Variants in PITPNM3 observed in about 807,000 individuals in gnomAD.
The protein encoded by PITPNM3 is membrane-associated phosphatidylinositol transfer protein 3.
A neutral mutation model predicts 102.0 loss-of-function variants in PITPNM3; 26 were observed. That is an observed-to-expected ratio of 0.25 (90% CI 0.19 to 0.35). The LOEUF (loss-of-function observed/expected upper bound fraction) is 0.35. Ranked by LOEUF, PITPNM3 falls within the 10% of genes least tolerant of loss-of-function variation. The pLI is 1.00. For missense variants in PITPNM3, 1,083 were observed against 1,346.1 expected, an observed-to-expected ratio of 0.80 and a Z score of 3.06; for synonymous variants, 578 against 558.6, an observed-to-expected ratio of 1.03 and a Z score of -0.49.
In PITPNM3 at chr17:6,517,153, G is replaced by A. The variant is rs1345439737; in HGVS notation, c.226+8203C>T. On this transcript the variant is annotated intron_variant, in intron 3 of 19. Coordinates refer to ENST00000262483, the MANE Select transcript of PITPNM3 (RefSeq NM_031220.4). This position sits in a 1 kb window ranked among gnomAD's most constrained non-coding sequence, Gnocchi z 4.1. ...CCTACCTGAAAGAATTACTAGCAGA[G>A]ACATTCTAGTGAAAAGAGAAAGTAA... Among the ~76,000 whole-genome samples the A allele has an allele frequency of 6.6e-6, 1 of 152,222 alleles. No individual in the cohort carries two copies. The highest frequency in any genetic ancestry group is 2.4e-5 in the African/African-American group (1 of 41,450).
intron 3 of PITPNM3, among the ~76,000 whole-genome samples, chr17:6,522,725 C>G (rs1280573891): frequency 6.6e-6 from 1 of 152,164 alleles, no homozygotes; most frequent in Non-Finnish European, 1.5e-5. Flanking sequence ...TCTATGCCAC[C>G]AATTTCCATT....
chr17:6,526,906 TC>T (rs1194598137), intron 2 of PITPNM3, among the ~76,000 whole-genome samples: 2 of 152,220 alleles, frequency 1.3e-5, no homozygotes, highest in African/African-American at 4.8e-5. Context: ...GCCCTGGACA[TC>T]CTGTATTGGC....
At chr17:6,534,494 A>G (rs1419783959) in intron 2 of PITPNM3, among the ~76,000 whole-genome samples, 2 of 152,152 alleles carry the variant, frequency 1.3e-5, no homozygotes, top group Non-Finnish European at 2.9e-5. Flanking sequence ...GATGGCTGCA[A>G]GGGAGGGAGG....
rs894332821 is a variant in PITPNM3 at position 6,471,000 on chromosome 17, C to A, written c.1624+161G>T. Among the ~76,000 whole-genome samples the A allele has an allele frequency of 6.6e-6, 1 of 152,184 alleles. No individual in the cohort carries two copies. Among genetic ancestry groups the A allele is most frequent in the Non-Finnish European group, 1.5e-5 (1 of 68,030 alleles). On this transcript the variant is annotated intron_variant, in intron 12 of 19. Transcript: ENST00000262483. The surrounding 1 kb of genome is among the most constrained non-coding windows in gnomAD (Gnocchi z 4.8). The stretch of plus-strand genomic sequence containing the variant: ...CCGATGCCAGGTCTCCATCAGCAGA[C>A]GCCCAGCTCTCTAAAGGCAGAAGCA...
intron 9 of PITPNM3, among the ~76,000 whole-genome samples, chr17:6,475,108 G>T (rs977815531): frequency 2.0e-5 from 3 of 152,156 alleles, no homozygotes; most frequent in Admixed American, 6.5e-5. Flanking sequence ...ACACTCAGCT[G>T]GCTAACGTCA....
intron 17 of PITPNM3, among the ~76,000 whole-genome samples, chr17:6,463,152 C>T (rs1029491337): frequency 4.6e-5 from 7 of 152,130 alleles, no homozygotes; most frequent in African/African-American, 9.7e-5. Context: ...GAGCCAGGCC[C>T]GTCTTCTCTC....
At chr17:6,503,500 G>A in intron 4 of PITPNM3, 27 bp downstream of exon 4, 2 of 1,611,488 alleles carry the variant, frequency 1.2e-6, no homozygotes, top group Non-Finnish European at 1.7e-6. Flanking sequence ...GGGAAGAAAT[G>A]ACCCCACAGG....
rs1386630788 is a variant in PITPNM3 at position 6,525,484 on chromosome 17, G to C, written c.119-21C>G. The C allele has an allele frequency of 1.9e-6, 3 of 1,591,552 alleles. No homozygotes were observed. The East Asian group carries it at 6.7e-5, about 36-fold the overall frequency. The stretch of plus-strand genomic sequence containing the variant: ...CTCCTCTGTGGGAAGAAGCAGCGGT[G>C]AGCAGAAGCAGGTGCAGCTAGGGAT... On this transcript the variant is annotated intron_variant, in intron 2 of 19. Transcript: ENST00000262483.
chr17:6,506,474 C>A (rs1006564018), intron 3 of PITPNM3, among the ~76,000 whole-genome samples: 2 of 151,548 alleles, frequency 1.3e-5, no homozygotes, highest in East Asian at 1.9e-4. Flanking sequence ...CAGGTTCAAG[C>A]GATTCTCCTG....
rs1383070567 is a variant in PITPNM3, at chr17:6,477,086, C to G, written c.1028G>C (p.Ser343Thr). The G allele has an allele frequency of 6.2e-7, 1 of 1,614,040 alleles. No individual in the cohort carries two copies. The highest frequency in any genetic ancestry group is 1.3e-5 in the African/African-American group (1 of 74,914). Residue 343 changes from serine (S) to threonine (T), a missense_variant, in exon 9 of 20, where the codon AGC (serine) becomes ACC (threonine). Coordinates refer to ENST00000262483, the MANE Select transcript of PITPNM3 (RefSeq NM_031220.4). The stretch of plus-strand genomic sequence containing the variant: ...CTCGCAGTCATAGGTGGAGGAGTCG[C>G]TCTGTTTCCGCGGCAACGGCCTCTT... ...EPKRPLPRKQ[S>T]DSSTYDCEAI...
At position 6,456,709 on chromosome 17, in the gene PITPNM3, T is replaced by C. The variant is rs575154456; in HGVS notation, c.2619+885A>G. On this transcript the variant is annotated intron_variant, in intron 19 of 19. Transcript: ENST00000262483. ...TCTACCCGCGGGTCACTCTCAGGCA[T>C]TGCACACTTGACATGCCCCAGAGGG... Among the ~76,000 whole-genome samples the C allele has an allele frequency of 3.3e-5, 5 of 152,252 alleles. No individual in the cohort carries two copies. In the East Asian group the frequency reaches 9.7e-4, roughly 29 times the overall value.
rs1208141642 is a variant in PITPNM3 at position 6,458,472 on chromosome 17, C to A, written c.2491-750G>T. 6.6e-6 allele frequency among the ~76,000 whole-genome samples: 1 copy of A among 152,178 alleles called. No individual in the cohort carries two copies. Among genetic ancestry groups the A allele is most frequent in the African/African-American group, 2.4e-5 (1 of 41,428 alleles). On this transcript the variant is annotated intron_variant, in intron 18 of 19. Transcript: ENST00000262483. This position sits in a 1 kb window ranked among gnomAD's most constrained non-coding sequence, Gnocchi z 5.1. ...CTGGGATGACCCACGGTCTGCATGACGTGAAGGATCTACCACCTCCCACCC... is the reference window on the plus strand; with the variant it reads ...CTGGGATGACCCACGGTCTGCATGAAGTGAAGGATCTACCACCTCCCACCC...
chr17:6,496,915 C>A (rs1906863472), intron 4 of PITPNM3, among the ~76,000 whole-genome samples: 1 of 152,138 alleles, frequency 6.6e-6, no homozygotes, highest in African/African-American at 2.4e-5. Flanking sequence ...GAGGCTAATG[C>A]ACATCCTCAT....
chr17:6,525,313 C>T (rs1270392970), intron 3 of PITPNM3, 43 bp downstream of exon 3: 37 of 1,568,234 alleles, frequency 2.4e-5, no homozygotes, highest in Non-Finnish European at 2.9e-5. Flanking sequence ...CCCTGCAACA[C>T]ACCTATGTGC....
At chr17:6,464,551 G>A (rs1904663457) in intron 15 of PITPNM3, 104 bp downstream of exon 15, 10 of 1,262,538 alleles carry the variant, frequency 7.9e-6, no homozygotes, top group Non-Finnish European at 1.0e-5. Flanking sequence ...TTCCACCCCA[G>A]GCAGCTCGGC....
In PITPNM3 at chr17:6,471,244, G is replaced by A. The variant is rs202098067; in HGVS notation, c.1541C>T (p.Pro514Leu). 1.9e-6 allele frequency: 3 copies of A among 1,613,312 alleles called. No homozygotes were observed. The highest frequency in any genetic ancestry group is 2.5e-6 in the Non-Finnish European group (3 of 1,179,966). ...GCTCCCCTCGCTCATCCTCCGTCCT[G>A]GGCGCTGGAACCTCGAGGCCTGAGG... Reference protein sequence around the residue: ...SPPQASRFQRPGRRMSEGSSH... With the variant: ...SPPQASRFQRLGRRMSEGSSH... Residue 514 changes from proline to leucine, a missense_variant, in exon 12 of 20, where the codon CCA becomes CTA. Around this residue, in one of 5 missense-constraint regions of PITPNM3, gnomAD observed 410 missense variants for 638.4 expected, o/e 0.64. Transcript: ENST00000262483.
chr17:6,455,310 G>A lies in PITPNM3; in HGVS notation c.*28C>T, dbSNP rs1259429079. On this transcript the variant is annotated 3_prime_UTR_variant, in exon 20 of 20. Coordinates refer to ENST00000262483, the MANE Select transcript of PITPNM3 (RefSeq NM_031220.4). ...CGCAGGCAGCCTGATTGGGCCCCCC[G>A]CTCCCTGCTCTGAGCACAGCCCACC... The A allele has an allele frequency of 3.2e-6, 5 of 1,541,342 alleles. No individual in the cohort carries two copies. The highest frequency in any genetic ancestry group is 2.5e-5 in the South Asian group (2 of 80,212).
At chr17:6,514,605 A>C (rs533629500) in intron 3 of PITPNM3, among the ~76,000 whole-genome samples, 2 of 152,344 alleles carry the variant, frequency 1.3e-5, no homozygotes, top group South Asian at 4.1e-4. Flanking sequence ...AGCCAGTAAC[A>C]AGTGTTGGCA....
chr17:6,534,652 T>C (rs356055), intron 2 of PITPNM3, among the ~76,000 whole-genome samples: 120,570 of 152,162 alleles, frequency 0.79, 48,201 homozygotes, highest in African/African-American at 0.9. Flanking sequence ...TCAGTTTCCC[T>C]ATTAGTGCAC....
Sources: gnomAD v4.1 joint callset for allele counts (sites outside exome capture counted in the v4.1 genomes callset) on GRCh38, gnomAD v4.1.1 for gene constraint, gnomAD v4.1.1 regional missense constraint, Gnocchi (gnomAD v3.1) non-coding constraint, MANE v1.5 for transcripts, NCBI Gene and HGNC (gene_info 2026-07-23, HGNC 2026-07-21) for gene names.